Variants in GRAP2 observed in about 807,000 individuals in gnomAD.
GRAP2 encodes the protein GRB2-related adapter protein 2.
GRAP2 carries 31 observed loss-of-function variants against 43.5 expected under a neutral mutation model. The ratio of observed to expected loss-of-function variants is 0.71; its 90% confidence interval spans 0.54 to 0.96. The LOEUF is 0.96. Among genes scored for constraint, GRAP2 ranks in the 40% least tolerant of loss-of-function variants. The pLI is 0.00. For synonymous variants in GRAP2, 156 were observed against 164.8 expected, an observed-to-expected ratio of 0.95 and a Z score of 0.41; for missense variants, 371 against 424.4, an observed-to-expected ratio of 0.87 and a Z score of 1.11.
chr22:39,916,929 A>C lies in GRAP2; in HGVS notation c.-15+15599A>C, dbSNP rs138938938. On this transcript the variant is annotated intron_variant, in intron 1 of 7. Coordinates refer to ENST00000344138, the MANE Select transcript of GRAP2 (RefSeq NM_004810.4). ...GCCATGTAACTATTGCCAAGTACAT[A>C]ATAAGTACTCAATAATTATTATTAT... Among the ~76,000 whole-genome samples, 3 of 152,270 alleles carry C rather than the reference A, an allele frequency of 2.0e-5. No individual in the cohort carries two copies. The East Asian group carries it at 5.8e-4, about 29-fold the overall frequency.
chr22:39,907,481 G>T (rs1295283092), intron 1 of GRAP2, among the ~76,000 whole-genome samples: 1 of 152,182 alleles, frequency 6.6e-6, no homozygotes, highest in African/African-American at 2.4e-5. Flanking sequence ...TTGTCGTACA[G>T]GCTCATTGAC....
intron 2 of GRAP2, among the ~76,000 whole-genome samples, chr22:39,952,329 A>G (rs747344342): frequency 2.0e-5 from 3 of 152,122 alleles, no homozygotes; most frequent in African/African-American, 4.8e-5. Context: ...ACCCGGCCTC[A>G]ACGTGTGGTT....
chr22:39,932,193 A>T (rs1238345201), intron 1 of GRAP2, among the ~76,000 whole-genome samples: 1 of 152,184 alleles, frequency 6.6e-6, no homozygotes, highest in African/African-American at 2.4e-5. Flanking sequence ...CTTCTTAACA[A>T]TGCTTCAGTC....
intron 5 of GRAP2, 60 bp from the exon 6 acceptor site, chr22:39,967,982 G>A (rs2067191830): frequency 6.4e-7 from 1 of 1,570,612 alleles, no homozygotes; most frequent in African/African-American, 1.3e-5. Flanking sequence ...CCGAGGGTAG[G>A]GTAGGGCCAG....
chr22:39,900,721 T>C (rs1261133914), upstream of GRAP2, among the ~76,000 whole-genome samples: 1 of 152,184 alleles, frequency 6.6e-6, no homozygotes, highest in Non-Finnish European at 1.5e-5. Flanking sequence ...GCTGAGTGTA[T>C]GAACAAAGCA....
chr22:39,931,321 G>A (rs895406790), intron 1 of GRAP2, among the ~76,000 whole-genome samples: 6 of 152,174 alleles, frequency 3.9e-5, no homozygotes, highest in African/African-American at 1.2e-4. Context: ...TCTGTGCAAG[G>A]AGTCAGTAAT....
At chr22:39,931,570 G>A (rs1013011258) in intron 1 of GRAP2, among the ~76,000 whole-genome samples, 2 of 152,196 alleles carry the variant, frequency 1.3e-5, no homozygotes, top group African/African-American at 4.8e-5. Flanking sequence ...ATGACTACAC[G>A]ATGGGACTAG....
intron 1 of GRAP2, among the ~76,000 whole-genome samples, chr22:39,936,618 TGTG>T (rs1684001730): frequency 6.6e-6 from 1 of 151,730 alleles, no homozygotes; most frequent in South Asian, 2.1e-4. Context: ...CAGAATATAT[TGTG>T]GGGAAAGTTG....
intron 1 of GRAP2, among the ~76,000 whole-genome samples, chr22:39,940,951 G>A (rs553851829): frequency 2.0e-5 from 3 of 152,208 alleles, no homozygotes; most frequent in Non-Finnish European, 4.4e-5. Flanking sequence ...GGAATTGATG[G>A]TTTGGGGTGC....
intron 2 of GRAP2, chr22:39,947,553 G>A (rs2066937014): frequency 4.6e-6 from 1 of 216,960 alleles, no homozygotes; most frequent in African/African-American, 2.3e-5. Flanking sequence ...ATGCACTGAA[G>A]GTGACTTGGG....
upstream of GRAP2, among the ~76,000 whole-genome samples, chr22:39,899,305 G>A (rs1555949321): frequency 3.3e-5 from 5 of 152,198 alleles, no homozygotes. Flanking sequence ...GGTACAAGCT[G>A]AAAACACCAT....
At chr22:39,915,846 A>G (rs561387536) in intron 1 of GRAP2, among the ~76,000 whole-genome samples, 25 of 152,324 alleles carry the variant, frequency 1.6e-4, no homozygotes, top group Non-Finnish European at 3.5e-4. Context: ...CATCATTGGA[A>G]AAGAAAATTA....
chr22:39,968,850 A>G (rs1438508873), intron 6 of GRAP2, among the ~76,000 whole-genome samples: 1 of 152,114 alleles, frequency 6.6e-6, no homozygotes, highest in Admixed American at 6.5e-5. Flanking sequence ...GTGCAAACAC[A>G]CATTCCAGCA....
At chr22:39,960,464 T>G (rs74667649) in intron 4 of GRAP2, 4 of 375,466 alleles carry the variant, frequency 1.1e-5, no homozygotes, top group Admixed American at 3.7e-5. Context: ...ACTTCATCTT[T>G]ATGCCTTTAA....
the GRAP2 span, among the ~76,000 whole-genome samples, chr22:39,894,212 C>G: frequency 6.6e-6 from 1 of 151,794 alleles, no homozygotes; most frequent in African/African-American, 2.4e-5. Context: ...CAGTAAAATA[C>G]TCAGACTTCT....
At chr22:39,903,523 G>A (rs2066505610) in intron 1 of GRAP2, among the ~76,000 whole-genome samples, 1 of 147,154 alleles carries the variant, frequency 6.8e-6, no homozygotes, top group Non-Finnish European at 1.5e-5. Flanking sequence ...TGTCACTCAG[G>A]CTGGAGTACA....
intron 1 of GRAP2, among the ~76,000 whole-genome samples, chr22:39,904,076 T>C (rs1486082889): frequency 6.6e-6 from 1 of 152,204 alleles, no homozygotes; most frequent in Non-Finnish European, 1.5e-5. Flanking sequence ...AAAGAAAATG[T>C]TAAGACATAC....
At chr22:39,922,963 A>G (rs1207117769) in intron 1 of GRAP2, among the ~76,000 whole-genome samples, 1 of 151,716 alleles carries the variant, frequency 6.6e-6, no homozygotes, top group Non-Finnish European at 1.5e-5. Flanking sequence ...AATTGCTTGA[A>G]CCTAGGAGGC....
intron 2 of GRAP2, among the ~76,000 whole-genome samples, chr22:39,953,656 C>G (rs1354924915): frequency 5.9e-5 from 9 of 152,212 alleles, no homozygotes; most frequent in Admixed American, 5.9e-4. Flanking sequence ...GTTGTCCAGG[C>G]TGTAGTACAG....
Sources: allele counts gnomAD v4.1 joint callset (sites outside exome capture counted in the v4.1 genomes callset), GRCh38; gene constraint gnomAD v4.1.1; transcripts MANE v1.5; gene names NCBI Gene and HGNC (gene_info 2026-07-23, HGNC 2026-07-21).